ARID1A: variants seen among roughly 807,000 people sequenced by gnomAD.
ARID1A encodes AT-rich interaction domain 1A, also known as AT-rich interactive domain-containing protein 1A.
Under a neutral mutation model 212.6 loss-of-function variants are expected in ARID1A, and 20 were observed. The ratio of observed to expected loss-of-function variants is 0.09; its 90% confidence interval spans 0.07 to 0.14. The LOEUF is 0.14. ARID1A is among the 10% of genes least tolerant of loss of function. The pLI, the probability that ARID1A is intolerant of heterozygous loss-of-function variation, is 1.00. For synonymous variants in ARID1A, 1,376 were observed against 1,222.1 expected, an observed-to-expected ratio of 1.13 and a Z score of -2.63; for missense variants, 2,587 against 3,059.0, an observed-to-expected ratio of 0.85 and a Z score of 3.64.
chr1:26,775,099 C>G lies in ARID1A; in HGVS notation c.4872C>G (p.His1624Gln), dbSNP rs2124123239. The G allele has an allele frequency of 6.2e-7, 1 of 1,613,180 alleles. No homozygotes were observed. Among genetic ancestry groups the G allele is most frequent in the Non-Finnish European group, 8.5e-7 (1 of 1,179,730 alleles). ...CAGGTCCCCCAGTACCTGCCTCGCA[C>G]ATAGCACCTGCCCCTGTGCAGCCCC... Reference protein sequence around the residue: ...QKAGPPVPASHIAPAPVQPPM... With the variant: ...QKAGPPVPASQIAPAPVQPPM... Residue 1624 changes from histidine to glutamine, a missense_variant, in exon 18 of 20, where the codon CAC (histidine) becomes CAG (glutamine). By Grantham distance (24) the His-to-Gln change is conservative. Transcript: ENST00000324856.
chr1:26,761,405 C>T lies in ARID1A; in HGVS notation c.2183C>T (p.Pro728Leu), dbSNP rs1183860371. The change falls in exon 6 of 20, where the codon CCA becomes CTA. Residue 728 changes from proline to leucine, a missense_variant. Transcript: ENST00000324856. ...GCAGGCAACCAGATGCCACCTCGGC[C>T]ACCCAGTGGCCAGTCGGACAGCATC... ...AVPGNQMPPR[P>L]PSGQSDSIMH... The T allele has an allele frequency of 6.2e-7, 1 of 1,614,222 alleles. No homozygotes were observed. The highest frequency in any genetic ancestry group is 8.5e-7 in the Non-Finnish European group (1 of 1,180,042).
chr1:26,697,988 G>T (rs1479727032), intron 1 of ARID1A, among the ~76,000 whole-genome samples: 2 of 152,142 alleles, frequency 1.3e-5, no homozygotes, highest in African/African-American at 4.8e-5. Flanking sequence ...CCCCCCATCT[G>T]TGCTTTCAAA....
intron 4 of ARID1A, among the ~76,000 whole-genome samples, chr1:26,746,083 A>G (rs1280800731): frequency 2.0e-5 from 3 of 152,182 alleles, no homozygotes; most frequent in Non-Finnish European, 4.4e-5. Flanking sequence ...TGCCATATTC[A>G]GAAAATGGAC....
chr1:26,756,103 C>T (rs1250610034), intron 4 of ARID1A, among the ~76,000 whole-genome samples: 1 of 151,526 alleles, frequency 6.6e-6, no homozygotes, highest in Non-Finnish European at 1.5e-5. Context: ...CTTAGCGCTT[C>T]AGTACATGTC....
At chr1:26,739,247 T>C (rs989059320) in intron 4 of ARID1A, among the ~76,000 whole-genome samples, 3 of 152,202 alleles carry the variant, frequency 2.0e-5, no homozygotes, top group African/African-American at 7.2e-5. Flanking sequence ...GTCTTGAAAG[T>C]GTACCTAGGA....
intron 4 of ARID1A, among the ~76,000 whole-genome samples, chr1:26,754,634 G>C (rs907483556): frequency 2.0e-5 from 3 of 152,046 alleles, no homozygotes; most frequent in Non-Finnish European, 4.4e-5. Context: ...CCAAAAGCTG[G>C]GCCTTGGTTT....
Position 26,775,121 on chromosome 1 carries a change from C to T in ARID1A, c.4894C>T (p.Pro1632Ser), listed in dbSNP as rs372335126. 1.1e-5 allele frequency: 18 copies of T among 1,613,888 alleles called. No individual in the cohort carries two copies. Among genetic ancestry groups the T allele is most frequent in the Non-Finnish European group, 1.4e-5 (17 of 1,179,990 alleles). ...GCACATAGCACCTGCCCCTGTGCAG[C>T]CCCCCATGATTCGGCGGGATATCAC... ...ASHIAPAPVQ[P>S]PMIRRDITFP... The change falls in exon 18 of 20, where the codon CCC (proline) becomes TCC (serine). Residue 1632 changes from proline (P) to serine (S), a missense_variant. This residue lies in a region of ARID1A where 890 missense variants were observed against 1,098.2 expected (regional missense o/e 0.81). Coordinates refer to ENST00000324856, the MANE Select transcript of ARID1A (RefSeq NM_006015.6).
rs752610128 is a variant in ARID1A, at chr1:26,731,404, C to G, written c.1603C>G (p.Pro535Ala). Residue 535 changes from proline to alanine, a missense_variant, in exon 3 of 20, where the codon CCC becomes GCC. Physicochemically the swap from Pro to Ala is conservative, Grantham distance 27. This residue lies in a region of ARID1A where 674 missense variants were observed against 813.4 expected (regional missense o/e 0.83). Transcript: ENST00000324856. ...ACATCAGCAGTCCCCGGCTCCATAC[C>G]CCTCCCAGCAGTCGACGACACAGCA... ...PPHQQSPAPY[P>A]SQQSTTQQHP... is the part of the protein sequence containing the mutation. 6.2e-7 allele frequency: 1 copy of G among 1,613,912 alleles called. No individual in the cohort carries two copies. Among genetic ancestry groups the G allele is most frequent in the East Asian group, 2.2e-5 (1 of 44,872 alleles).
chr1:26,717,344 A>T (rs2080512961), intron 1 of ARID1A, among the ~76,000 whole-genome samples: 1 of 152,256 alleles, frequency 6.6e-6, no homozygotes, highest in Admixed American at 6.5e-5. Context: ...AGCATTTCAC[A>T]TACTTACCAT....
chr1:26,751,407 G>A (rs56010423), intron 4 of ARID1A, among the ~76,000 whole-genome samples: 1 of 152,146 alleles, frequency 6.6e-6, no homozygotes, highest in Non-Finnish European at 1.5e-5. Context: ...TGGTGATATA[G>A]GTTGTTGGCC....
In ARID1A at chr1:26,771,016, G is replaced by A; in HGVS notation, c.3199-103G>A. The A allele has an allele frequency of 9.7e-7, 1 of 1,034,874 alleles. No individual in the cohort carries two copies. Among genetic ancestry groups the A allele is most frequent in the South Asian group, 1.5e-5 (1 of 68,926 alleles). 64.1% of individuals were successfully genotyped at this position (1,034,874 alleles called of 1,614,324 possible). ...CTTTTTCAATTACCTAAGAACTGTG[G>A]TTCTACAAAGATGAATACCTTACAG... On this transcript the variant is annotated intron_variant, in intron 11 of 19. Transcript: ENST00000324856. The surrounding 1 kb of genome is among the most constrained non-coding windows in gnomAD (Gnocchi z 5.4).
Position 26,731,336 on chromosome 1 carries a change from A to G in ARID1A, c.1535A>G (p.Gln512Arg), listed in dbSNP as rs2124788812. The change falls in exon 3 of 20, where the codon CAG becomes CGG. Residue 512 changes from glutamine to arginine, a missense_variant. Coordinates refer to ENST00000324856, the MANE Select transcript of ARID1A (RefSeq NM_006015.6). ...CCACAGTCTCAACCACCACAGCTCC[A>G]GTCCTCTCAGCCTCCATACTCCCAG... ...QQPQSQPPQLQSSQPPYSQQP... is the reference protein window; with the variant it reads ...QQPQSQPPQLRSSQPPYSQQP... 2 of 1,613,496 alleles carry G rather than the reference A, an allele frequency of 1.2e-6. No homozygotes were observed. Among genetic ancestry groups the G allele is most frequent in the East Asian group, 2.2e-5 (1 of 44,850 alleles).
intron 4 of ARID1A, among the ~76,000 whole-genome samples, chr1:26,755,086 G>GTAACA (rs1364976120): frequency 2.6e-5 from 4 of 152,266 alleles, no homozygotes; most frequent in Non-Finnish European, 5.9e-5. Context: ...TCCAGCCTGG[G>GTAACA]TAACAGCCAG....
Position 26,772,618 on chromosome 1 carries a change from A to G in ARID1A, c.3525A>G (p.Pro1175=), listed in dbSNP as rs2081092654. 1 of 1,614,096 alleles carries G rather than the reference A, an allele frequency of 6.2e-7. No homozygotes were observed. The highest frequency in any genetic ancestry group is 8.5e-7 in the Non-Finnish European group (1 of 1,180,038). ...PASTPHSQIP[P]LPGMSRSNSV... ...CCACACCACACAGTCAGATCCCCCC[A>G]TTGCCAGGCATGAGGTAAGGCCAAG... Residue 1175 remains proline, a synonymous_variant, in exon 13 of 20, where the codon CCA becomes CCG. Coordinates refer to ENST00000324856, the MANE Select transcript of ARID1A (RefSeq NM_006015.6).
chr1:26,744,705 T>A (rs1200758828), intron 4 of ARID1A, among the ~76,000 whole-genome samples: 4 of 152,104 alleles, frequency 2.6e-5, no homozygotes, highest in Non-Finnish European at 1.5e-5. Flanking sequence ...GAAGCCCAGG[T>A]GATACTTATT....
intron 1 of ARID1A, among the ~76,000 whole-genome samples, chr1:26,725,074 T>TA (rs1442619355): frequency 1.3e-5 from 2 of 152,112 alleles, no homozygotes; most frequent in African/African-American, 2.4e-5. Flanking sequence ...TCCTCTCAAT[T>TA]ATGTGTCTCT....
chr1:26,711,626 T>C (rs965957037), intron 1 of ARID1A, among the ~76,000 whole-genome samples: 3 of 152,238 alleles, frequency 2.0e-5, no homozygotes, highest in African/African-American at 7.2e-5. Flanking sequence ...GGACCTTTAC[T>C]AGTGCAGTGA....
chr1:26,753,346 A>T (rs1334146119), intron 4 of ARID1A: 1 of 152,152 alleles, frequency 6.6e-6, no homozygotes, highest in Non-Finnish European at 1.5e-5. Flanking sequence ...TCATGCTGGC[A>T]CTCACTAGGG....
At chr1:26,735,809 C>G (rs958547154) in intron 4 of ARID1A, among the ~76,000 whole-genome samples, 4 of 152,172 alleles carry the variant, frequency 2.6e-5, no homozygotes, top group Non-Finnish European at 5.9e-5. Context: ...TCTTGGCTTT[C>G]TTTCAGTTTC....
Sources: gnomAD v4.1 joint callset for allele counts (sites outside exome capture counted in the v4.1 genomes callset) on GRCh38, gnomAD v4.1.1 for gene constraint, gnomAD v4.1.1 regional missense constraint, Gnocchi (gnomAD v3.1) non-coding constraint, MANE v1.5 for transcripts, NCBI Gene and HGNC (gene_info 2026-07-23, HGNC 2026-07-21) for gene names.